The following CFAP54 variants were observed in gnomAD, a reference collection of about 807,000 sequenced individuals.
The protein encoded by CFAP54 is cilia- and flagella-associated protein 54.
A neutral mutation model predicts 370.4 loss-of-function variants in CFAP54; 290 were observed. The ratio of observed to expected loss-of-function variants is 0.78; its 90% CI spans 0.71 to 0.86. The LOEUF is 0.86. Ranked by LOEUF, CFAP54 falls within the 40% of genes least tolerant of loss-of-function variation. The probability of loss-of-function intolerance (pLI) is 0.00; values close to 1 mark genes in which losing one functional copy is unlikely to be tolerated. For synonymous variants in CFAP54, 1,206 were observed against 1,236.5 expected, an observed-to-expected ratio of 0.98 and a Z score of 0.52; for missense variants, 3,399 against 3,528.7, an observed-to-expected ratio of 0.96 and a Z score of 0.93.
intron 36 of CFAP54, among the ~76,000 whole-genome samples, chr12:96,653,203 G>A (rs1407234788): frequency 6.6e-6 from 1 of 152,164 alleles, no homozygotes; most frequent in Non-Finnish European, 1.5e-5. Context: ...TGAGTTCTAT[G>A]AGTCATTCTA....
chr12:96,536,466 A>G (rs1275331909), intron 12 of CFAP54, among the ~76,000 whole-genome samples: 8 of 152,196 alleles, frequency 5.3e-5, no homozygotes, highest in Admixed American at 5.2e-4. Flanking sequence ...TGGGTTTGTC[A>G]GAATAAGTTA....
At chr12:96,522,841 CTCAACATGG>C (rs1218129522) in intron 8 of CFAP54, among the ~76,000 whole-genome samples, 1 of 152,154 alleles carries the variant, frequency 6.6e-6, no homozygotes, top group African/African-American at 2.4e-5. Flanking sequence ...GGCATTGATG[CTCAACATGG>C]AAGTGACATG....
chr12:96,708,481 C>T, intron 47 of CFAP54, 127 bp from the exon 48 acceptor site: 1 of 707,988 alleles, frequency 1.4e-6, no homozygotes, highest in Non-Finnish European at 2.3e-6. Context: ...CTCCCATTTA[C>T]AATACCCCAT....
intron 4 of CFAP54, among the ~76,000 whole-genome samples, chr12:96,512,488 G>T (rs1024597225): frequency 2.0e-5 from 3 of 151,526 alleles, no homozygotes; most frequent in Non-Finnish European, 4.4e-5. Context: ...GACTACAGGT[G>T]CATGCCACCA....
chr12:96,652,565 G>A (rs1424749618), intron 36 of CFAP54, among the ~76,000 whole-genome samples: 1 of 152,104 alleles, frequency 6.6e-6, no homozygotes, highest in Non-Finnish European at 1.5e-5. Flanking sequence ...TCAAAAGAAG[G>A]CAGGGAAGAA....
intron 58 of CFAP54, 27 bp from the exon 59 acceptor site, chr12:96,764,124 A>C: frequency 6.7e-7 from 1 of 1,493,724 alleles, no homozygotes; most frequent in Non-Finnish European, 9.3e-7. Context: ...AAAACTTTAT[A>C]TCATAACACA....
intron 63 of CFAP54, among the ~76,000 whole-genome samples, chr12:96,806,276 G>T (rs1300356363): frequency 7.0e-6 from 1 of 143,544 alleles, no homozygotes; most frequent in Non-Finnish European, 1.5e-5. Flanking sequence ...AGTGCAGTTG[G>T]ACAGTCCAAG....
intron 50 of CFAP54, among the ~76,000 whole-genome samples, chr12:96,734,753 A>G (rs972670731): frequency 7.9e-5 from 12 of 152,206 alleles, no homozygotes; most frequent in Non-Finnish European, 1.3e-4. Flanking sequence ...GAATCTCTAG[A>G]AATATGTATT....
chr12:96,829,040 A>C lies in CFAP54; in HGVS notation c.9123A>C (p.Glu3041Asp), dbSNP rs1485102261. The C allele has an allele frequency of 6.6e-7, 1 of 1,520,496 alleles. No individual in the cohort carries two copies. The highest frequency in any genetic ancestry group is 8.8e-7 in the Non-Finnish European group (1 of 1,134,434). The allele number at this position is 1,520,496 out of a possible 1,614,324, so 94.2% of individuals were successfully genotyped here. ...MEDMIIQCCS[E>D]IASLFLNDKE... ...ACATGATTATTCAATGTTGCTCTGA[A>C]ATAGCATCTCTGTTTTTGAATGATA... The change falls in exon 66 of 68, where the codon GAA becomes GAC. Residue 3041 changes from glutamate to aspartate, a missense_variant. Around this residue, in one of 3 missense-constraint regions of CFAP54, gnomAD observed 2,796 missense variants for 2,869.7 expected, o/e 0.97. Transcript: ENST00000524981.
rs771745506 is a variant in CFAP54, at chr12:96,743,518, C to G, written c.7336C>G (p.Gln2446Glu). The change falls in exon 53 of 68, where the codon CAA becomes GAA. Residue 2446 changes from glutamine (Q) to glutamate (E), a missense_variant. Physicochemically the swap from Gln to Glu is conservative, Grantham distance 29. Around this residue, in one of 3 missense-constraint regions of CFAP54, gnomAD observed 2,796 missense variants for 2,869.7 expected, o/e 0.97. Transcript: ENST00000524981. The stretch of plus-strand genomic sequence containing the variant: ...GACGCAAGCTGTAATTCTTGGCCTA[C>G]AAGAAAAGCATTTAAAGGCAGACAT... ...FLTQAVILGL[Q>E]EKHLKADIMT... The G allele has an allele frequency of 1.9e-6, 3 of 1,613,922 alleles. No individual in the cohort carries two copies. The highest frequency in any genetic ancestry group is 2.5e-6 in the Non-Finnish European group (3 of 1,179,956).
At chr12:96,565,878 A>G (rs1955861045) in intron 19 of CFAP54, among the ~76,000 whole-genome samples, 1 of 152,164 alleles carries the variant, frequency 6.6e-6, no homozygotes. Context: ...TAGTTCCCAT[A>G]ATCCCTATGT....
chr12:96,656,830 C>G (rs2136511711), intron 36 of CFAP54, among the ~76,000 whole-genome samples: 2 of 152,330 alleles, frequency 1.3e-5, no homozygotes, highest in Admixed American at 1.3e-4. Context: ...CAGTGAATTA[C>G]AGTGATTGAG....
chr12:96,662,436 C>A (rs1957005866), intron 38 of CFAP54, among the ~76,000 whole-genome samples: 1 of 152,022 alleles, frequency 6.6e-6, no homozygotes, highest in Admixed American at 6.6e-5. Flanking sequence ...AACTCCTGAC[C>A]TCAGGTGATC....
chr12:96,746,249 T>C (rs1958113160), intron 55 of CFAP54, among the ~76,000 whole-genome samples: 1 of 152,044 alleles, frequency 6.6e-6, no homozygotes, highest in African/African-American at 2.4e-5. Context: ...AAAAATAAAC[T>C]AAACAAACAA....
At chr12:96,850,472 G>A (rs560718888) in intron 66 of CFAP54, among the ~76,000 whole-genome samples, 48 of 152,224 alleles carry the variant, frequency 3.2e-4, no homozygotes, top group African/African-American at 9.6e-4. Flanking sequence ...TCGCGGGAGG[G>A]AACTCAGAGC....
At chr12:96,611,006 A>C (rs815878) in intron 26 of CFAP54, among the ~76,000 whole-genome samples, 22,746 of 151,984 alleles carry the variant, frequency 0.15, 2,210 homozygotes, top group East Asian at 0.44. Context: ...CTGCAGACTT[A>C]AATTTCCCTG....
chr12:96,867,395 C>A (rs1180124076), intron 67 of CFAP54, among the ~76,000 whole-genome samples: 1 of 152,192 alleles, frequency 6.6e-6, no homozygotes, highest in Non-Finnish European at 1.5e-5. Flanking sequence ...AGCGATCTAA[C>A]TACTGGCTAT....
At chr12:96,748,627 T>C (rs117783044) in intron 55 of CFAP54, among the ~76,000 whole-genome samples, 2,761 of 152,294 alleles carry the variant, frequency 0.018, 35 homozygotes, top group South Asian at 0.049. Context: ...AGCAGAATCT[T>C]TGGGTGTGGC....
rs1165556983 is a variant in CFAP54, at chr12:96,828,026, T to G, written c.9097-988T>G. ...ATATATAATTATATATAATACGTATTAATATATAATATATAATTATATATT... is the reference window on the plus strand; with the variant it reads ...ATATATAATTATATATAATACGTATGAATATATAATATATAATTATATATT... On this transcript the variant is annotated intron_variant, in intron 65 of 67. Coordinates refer to ENST00000524981, the MANE Select transcript of CFAP54 (RefSeq NM_001306084.2). Among the ~76,000 whole-genome samples, 3 of 125,930 alleles carry G rather than the reference T, an allele frequency of 2.4e-5. No individual in the cohort carries two copies. In the South Asian group the frequency reaches 6.6e-4, roughly 28 times the overall value. 82.6% of individuals were successfully genotyped at this position (125,930 alleles called of 152,430 possible).
Sources: gnomAD v4.1 joint callset for allele counts (sites outside exome capture counted in the v4.1 genomes callset) on GRCh38, gnomAD v4.1.1 for gene constraint, gnomAD v4.1.1 regional missense constraint, MANE v1.5 for transcripts, NCBI Gene and HGNC (gene_info 2026-07-23, HGNC 2026-07-21) for gene names.